The following STAB2 variants were observed in gnomAD, a reference collection of about 807,000 sequenced individuals.
The protein encoded by STAB2 is stabilin 2.
In STAB2, 288 loss-of-function variants were observed where a neutral mutation model predicts 338.1. That is an observed-to-expected ratio of 0.85 (90% CI 0.77 to 0.94). The LOEUF is 0.94. Among genes scored for constraint, STAB2 ranks in the 40% least tolerant of loss-of-function variants. The pLI is 0.00. For missense variants in STAB2, 3,141 were observed against 3,210.1 expected (o/e 0.98, Z 0.52); for synonymous variants, 1,202 against 1,193.3 (o/e 1.01, Z -0.15).
intron 52 of STAB2, 56 bp from the exon 53 acceptor site, chr12:103,737,578 C>CTG: frequency 3.9e-6 from 3 of 766,030 alleles, no homozygotes; most frequent in Non-Finnish European, 5.4e-6. Flanking sequence ...GACTGTTTCT[C>CTG]TCTCTCTCTC....
chr12:103,662,006 G>A (rs189823000), intron 17 of STAB2, among the ~76,000 whole-genome samples: 147 of 152,186 alleles, frequency 9.7e-4, no homozygotes, highest in Admixed American at 2.5e-3. Flanking sequence ...TGACATGATC[G>A]GGCATACATT....
At position 103,642,402 on chromosome 12, in the gene STAB2, T is replaced by C. The variant is rs372397882; in HGVS notation, c.1040+2146T>C. On this transcript the variant is annotated intron_variant, in intron 9 of 68. Coordinates refer to ENST00000388887, the MANE Select transcript of STAB2 (RefSeq NM_017564.10). ...AGTTTACATTCCAGTTGTGCAAAAG[T>C]ACAAACAACAGTGAAGTGTAGGGAC... 1.1e-4 allele frequency among the ~76,000 whole-genome samples: 16 copies of C among 152,308 alleles called. No individual in the cohort carries two copies. In the East Asian group the frequency reaches 1.7e-3, roughly 17 times the overall value.
chr12:103,689,010 G>T (rs897765295), intron 28 of STAB2, among the ~76,000 whole-genome samples: 3 of 149,252 alleles, frequency 2.0e-5, no homozygotes, highest in African/African-American at 7.5e-5. Flanking sequence ...AAGTCTTTTG[G>T]TTTTTTTTTT....
chr12:103,714,248 C>G (rs547523254), intron 42 of STAB2, among the ~76,000 whole-genome samples: 45 of 152,272 alleles, frequency 3.0e-4, no homozygotes, highest in African/African-American at 1.0e-3. Context: ...AAGTATACCT[C>G]TAACATTATT....
chr12:103,656,993 T>A (rs1303829511), intron 15 of STAB2, among the ~76,000 whole-genome samples: 1 of 152,168 alleles, frequency 6.6e-6, no homozygotes, highest in Non-Finnish European at 1.5e-5. Context: ...GCCAGGATTT[T>A]TTTAAAACTT....
At chr12:103,681,613 CTTTTT>C (rs907234037) in intron 25 of STAB2, among the ~76,000 whole-genome samples, 6 of 92,948 alleles carry the variant, frequency 6.5e-5, no homozygotes, top group Admixed American at 2.2e-4. Context: ...TTCCCCCCTA[CTTTTT>C]TTTTTTTTTT....
At chr12:103,637,042 C>T in intron 6 of STAB2, 69 bp from the exon 7 acceptor site, 1 of 1,466,098 alleles carries the variant, frequency 6.8e-7, no homozygotes, top group Non-Finnish European at 9.1e-7. Context: ...AAAGGGAATA[C>T]TGCAGTTTGG....
At chr12:103,635,217 ATGC>A (rs974404049) in intron 6 of STAB2, among the ~76,000 whole-genome samples, 4 of 152,238 alleles carry the variant, frequency 2.6e-5, no homozygotes, top group Non-Finnish European at 4.4e-5. Context: ...AAGGGCAGGC[ATGC>A]TCACTGCCAG....
rs17034336 is a variant in STAB2, at chr12:103,670,796, G to T, written c.2360G>T (p.Arg787Leu). 4 of 1,613,480 alleles carry T rather than the reference G, an allele frequency of 2.5e-6. No individual in the cohort carries two copies. The South Asian group carries it at 4.4e-5, about 18-fold the overall frequency. ...TCTGATCCCAATAAATACGGACCTCGGTGTAACAAAAGTAAGTGGCACTTC... is the reference window on the plus strand; with the variant it reads ...TCTGATCCCAATAAATACGGACCTCTGTGTAACAAAAGTAAGTGGCACTTC... ...FCSDPNKYGP[R>L]CNKKCLCVHG... Residue 787 changes from arginine to leucine, a missense_variant, in exon 22 of 69, where the codon CGG (arginine) becomes CTG (leucine). Physicochemically the swap from Arg to Leu is moderately radical, Grantham distance 102. Coordinates refer to ENST00000388887, the MANE Select transcript of STAB2 (RefSeq NM_017564.10).
At chr12:103,711,806 C>G (rs1166159020) in intron 40 of STAB2, among the ~76,000 whole-genome samples, 1 of 152,196 alleles carries the variant, frequency 6.6e-6, no homozygotes, top group Admixed American at 6.5e-5. Context: ...ACCCAGTGGG[C>G]CTCAGTTTCC....
chr12:103,617,183 C>T (rs184582850), intron 3 of STAB2, among the ~76,000 whole-genome samples: 14 of 152,260 alleles, frequency 9.2e-5, no homozygotes, highest in Admixed American at 2.0e-4. Flanking sequence ...ACCCTTATCC[C>T]AGTCCATCAA....
chr12:103,736,272 C>T (rs1249083532), intron 52 of STAB2, among the ~76,000 whole-genome samples: 5 of 152,272 alleles, frequency 3.3e-5, no homozygotes, highest in Admixed American at 1.3e-4. Context: ...GTTGCTGGAG[C>T]TCCAGGCACC....
chr12:103,675,192 G>A (rs770248769), intron 23 of STAB2, among the ~76,000 whole-genome samples: 1 of 152,190 alleles, frequency 6.6e-6, no homozygotes, highest in Non-Finnish European at 1.5e-5. Context: ...GGGGTACAAT[G>A]TCCCCAGCAT....
Position 103,668,675 on chromosome 12 carries a change from C to T in STAB2, c.2118C>T (p.Gly706=). The stretch of plus-strand genomic sequence containing the variant: ...TCACACACAGATGTGTCTACAGTGG[C>T]AGGTTTGGGAGCCTGAAGAGCGGCT... The part of the protein sequence containing the change: ...ALFTHRCVYS[G]RFGSLKSGCA... The change falls in exon 20 of 69, where the codon GGC becomes GGT. Residue 706 remains glycine (G), a synonymous_variant. Coordinates refer to ENST00000388887, the MANE Select transcript of STAB2 (RefSeq NM_017564.10). 1 of 1,551,386 alleles carries T rather than the reference C, an allele frequency of 6.4e-7. No individual in the cohort carries two copies. Among genetic ancestry groups the T allele is most frequent in the Non-Finnish European group, 8.7e-7 (1 of 1,146,962 alleles).
rs572284101 is a variant in STAB2, at chr12:103,610,230, T to C, written c.332-10238T>C. 7.1e-3 allele frequency among the ~76,000 whole-genome samples: 1,088 copies of C among 152,218 alleles called. 20 individuals carry two copies. Among genetic ancestry groups the C allele is most frequent in the African/African-American group, 0.025 (1,049 of 41,484 alleles). ...ATGAGTTAGGGAGGATTCCCTCTTT[T>C]TCTATTGATTGGAATAGTTTCAGAA... On this transcript the variant is annotated intron_variant, in intron 3 of 68. Transcript: ENST00000388887.
chr12:103,692,816 T>A lies in STAB2; in HGVS notation c.3302T>A (p.Ile1101Asn), dbSNP rs1878063657. The change falls in exon 31 of 69, where the codon ATC (isoleucine) becomes AAC (asparagine). Residue 1101 changes from isoleucine (I) to asparagine (N), a missense_variant. Transcript: ENST00000388887. ...FLHLAKVDGN[I>N]TIEGASIVDG... is the part of the protein sequence containing the mutation. ...CACTGTGGTTTGCATTTACAGAATA[T>A]CACAATTGAAGGGGCCTCCATTGTC... 6.2e-7 allele frequency: 1 copy of A among 1,613,044 alleles called. No homozygotes were observed. Among genetic ancestry groups the A allele is most frequent in the African/African-American group, 1.3e-5 (1 of 74,866 alleles).
chr12:103,716,604 C>T (rs2139023684), intron 43 of STAB2, among the ~76,000 whole-genome samples: 1 of 152,234 alleles, frequency 6.6e-6, no homozygotes, highest in Non-Finnish European at 1.5e-5. Flanking sequence ...GCAGATCAAG[C>T]AAGTACCTAA....
chr12:103,730,339 G>T, intron 49 of STAB2, 83 bp downstream of exon 49: 1 of 1,473,574 alleles, frequency 6.8e-7, no homozygotes, highest in South Asian at 1.3e-5. Flanking sequence ...TCATCATTTT[G>T]AAACATTTTC....
chr12:103,594,326 G>C (rs1379225967), intron 2 of STAB2, 69 bp from the exon 3 acceptor site: 1 of 1,175,792 alleles, frequency 8.5e-7, no homozygotes, highest in Non-Finnish European at 1.3e-6. Context: ...GAAAGCTAAG[G>C]CAATTCTACC....
Sources: allele counts gnomAD v4.1 joint callset (sites outside exome capture counted in the v4.1 genomes callset), GRCh38; gene constraint gnomAD v4.1.1; transcripts MANE v1.5; gene names NCBI Gene and HGNC (gene_info 2026-07-23, HGNC 2026-07-21).